The following DCC variants were observed in gnomAD, a reference collection of about 807,000 sequenced individuals.
DCC encodes the protein netrin receptor DCC.
A neutral mutation model predicts 172.5 loss-of-function variants in DCC; 58 were observed. The observed-to-expected ratio is 0.34, with a 90% CI of 0.27 to 0.42. The LOEUF is 0.42. Ranked by LOEUF, DCC falls within the 10% of genes least tolerant of loss-of-function variation. The probability of loss-of-function intolerance (pLI) is 1.00; values close to 1 mark genes in which losing one functional copy is unlikely to be tolerated. For missense variants in DCC, 1,740 were observed against 1,791.0 expected (o/e 0.97, Z 0.51); for synonymous variants, 709 against 644.5 (o/e 1.10, Z -1.52).
At chr18:53,196,562 AC>A (rs1422859744) in intron 9 of DCC, among the ~76,000 whole-genome samples, 1 of 152,106 alleles carries the variant, frequency 6.6e-6, no homozygotes, top group Non-Finnish European at 1.5e-5. Flanking sequence ...TATTTTCTTC[AC>A]AGGGAGTCAC....
chr18:52,903,367 G>T (rs1325343519), intron 2 of DCC, among the ~76,000 whole-genome samples: 1 of 151,926 alleles, frequency 6.6e-6, no homozygotes, highest in East Asian at 1.9e-4. Flanking sequence ...ACCACACCTG[G>T]GTAATTTTTA....
chr18:52,517,291 G>A (rs1598881701), intron 1 of DCC, among the ~76,000 whole-genome samples: 3 of 152,146 alleles, frequency 2.0e-5, no homozygotes, highest in South Asian at 2.1e-4. Context: ...CGATAGCTGC[G>A]GTGGTATTTG....
chr18:52,495,100 C>A (rs1023005882), intron 1 of DCC, among the ~76,000 whole-genome samples: 2 of 152,032 alleles, frequency 1.3e-5, no homozygotes, highest in African/African-American at 2.4e-5. Flanking sequence ...ATCAACTGGG[C>A]CCCTCCCCTG....
chr18:53,195,388 G>A (rs1226456762), intron 9 of DCC, among the ~76,000 whole-genome samples: 1 of 152,136 alleles, frequency 6.6e-6, no homozygotes, highest in Non-Finnish European at 1.5e-5. Context: ...TCATGAAAGA[G>A]ACTACATTTT....
At chr18:52,981,710 A>T (rs1362396111) in intron 5 of DCC, among the ~76,000 whole-genome samples, 1 of 152,156 alleles carries the variant, frequency 6.6e-6, no homozygotes, top group Non-Finnish European at 1.5e-5. Context: ...TTTATGTATA[A>T]CTCACTATAA....
chr18:53,281,762 A>ATTTTTTTTTTTTTTTT (rs754969859), intron 12 of DCC, among the ~76,000 whole-genome samples: 1 of 115,308 alleles, frequency 8.7e-6, no homozygotes, highest in Non-Finnish European at 1.8e-5. Context: ...TTAATGGGGG[A>ATTTTTTTTTTTTTTTT]TTTTTTTTTT....
Position 53,533,541 on chromosome 18 carries a change from G to A in DCC, c.*2888G>A, listed in dbSNP as rs920649461. ...ATAAGAAAGCTATTTTCTCTCCTCT[G>A]CAGAAATTTCTGCATTTGTGAAACT... On this transcript the variant is annotated 3_prime_UTR_variant, in exon 29 of 29. Transcript: ENST00000442544. 1 of 151,872 alleles carries A rather than the reference G, an allele frequency of 6.6e-6. No individual in the cohort carries two copies. Among genetic ancestry groups the A allele is most frequent in the Non-Finnish European group, 1.5e-5 (1 of 67,978 alleles). The allele number at this position is 151,872 out of a possible 1,614,324, so 9.4% of individuals were successfully genotyped here. A position where few individuals can be genotyped will look rare whatever the true frequency, so the allele number is the denominator to read the frequency against.
At chr18:53,180,922 A>G (rs8083850) in intron 9 of DCC, among the ~76,000 whole-genome samples, 54,242 of 151,976 alleles carry the variant, frequency 0.36, 11,084 homozygotes, top group East Asian at 0.6. Flanking sequence ...CCAACATTTG[A>G]GTCTCAATTG....
At chr18:53,055,881 G>A (rs751188808) in intron 5 of DCC, among the ~76,000 whole-genome samples, 11 of 152,188 alleles carry the variant, frequency 7.2e-5, no homozygotes, top group South Asian at 4.1e-4. Context: ...GATCAAGTTA[G>A]CCAAATACAA....
chr18:53,317,336 G>C (rs1021820906), intron 13 of DCC, among the ~76,000 whole-genome samples: 2 of 152,212 alleles, frequency 1.3e-5, no homozygotes, highest in East Asian at 3.8e-4. Context: ...AAGCCAACTT[G>C]ATTATGGTGA....
chr18:53,377,542 G>A (rs1907400825), intron 15 of DCC, among the ~76,000 whole-genome samples: 1 of 152,148 alleles, frequency 6.6e-6, no homozygotes, highest in African/African-American at 2.4e-5. Context: ...TTGCACTGGT[G>A]ATTAAATTTC....
intron 2 of DCC, among the ~76,000 whole-genome samples, chr18:52,763,000 C>A (rs1440472416): frequency 6.6e-6 from 1 of 152,186 alleles, no homozygotes; most frequent in African/African-American, 2.4e-5. Flanking sequence ...ATTCACACAC[C>A]TTTCCATTTA....
intron 23 of DCC, among the ~76,000 whole-genome samples, chr18:53,457,190 A>G (rs1196758085): frequency 1.3e-5 from 2 of 152,230 alleles, no homozygotes; most frequent in African/African-American, 4.8e-5. Flanking sequence ...ATGAGGAACT[A>G]CAATTTCTTC....
At chr18:52,885,737 A>G (rs2039559595) in intron 2 of DCC, among the ~76,000 whole-genome samples, 1 of 152,058 alleles carries the variant, frequency 6.6e-6, no homozygotes, top group Non-Finnish European at 1.5e-5. Context: ...GGAGTCTTTC[A>G]TCATAGCCAC....
chr18:52,970,273 C>A (rs1482579104), intron 5 of DCC, among the ~76,000 whole-genome samples: 1 of 151,962 alleles, frequency 6.6e-6, no homozygotes. Context: ...AAAATACAAT[C>A]CACACTGTAA....
intron 7 of DCC, among the ~76,000 whole-genome samples, chr18:53,133,181 A>G (rs994219463): frequency 3.3e-5 from 5 of 152,160 alleles, no homozygotes; most frequent in Non-Finnish European, 7.4e-5. Flanking sequence ...ATGAAATCTG[A>G]CTGAGTTTGT....
At chr18:52,727,730 G>C (rs951442755) in intron 1 of DCC, among the ~76,000 whole-genome samples, 3 of 152,136 alleles carry the variant, frequency 2.0e-5, no homozygotes, top group Non-Finnish European at 4.4e-5. Context: ...AATACAGCTG[G>C]TCAGGAGAGC....
chr18:53,115,876 T>TCTTACTATA (rs1334967064), intron 7 of DCC, among the ~76,000 whole-genome samples: 1 of 151,670 alleles, frequency 6.6e-6, no homozygotes, highest in African/African-American at 2.4e-5. Flanking sequence ...TATACTGTAT[T>TCTTACTATA]CTGTGGCAAC....
At chr18:52,848,184 C>T (rs1474108180) in intron 2 of DCC, among the ~76,000 whole-genome samples, 4 of 148,446 alleles carry the variant, frequency 2.7e-5, no homozygotes, top group African/African-American at 5.0e-5. Context: ...CTCCCAGGTT[C>T]GATAGATTCT....
Sources: gnomAD v4.1 joint callset for allele counts (sites outside exome capture counted in the v4.1 genomes callset) on GRCh38, gnomAD v4.1.1 for gene constraint, MANE v1.5 for transcripts, NCBI Gene and HGNC (gene_info 2026-07-23, HGNC 2026-07-21) for gene names.